Variants in MCC observed in about 807,000 individuals in gnomAD.
The protein encoded by MCC is colorectal mutant cancer protein.
A neutral mutation model predicts 116.2 loss-of-function variants in MCC; 90 were observed. The observed-to-expected ratio is 0.77, with a 90% CI of 0.65 to 0.92. The LOEUF is 0.92. Ranked by LOEUF, MCC falls within the 40% of genes least tolerant of loss-of-function variation. The pLI is 0.00. For synonymous variants in MCC, 578 were observed against 510.5 expected, an observed-to-expected ratio of 1.13 and a Z score of -1.78; for missense variants, 1,516 against 1,312.2, an observed-to-expected ratio of 1.16 and a Z score of -2.40.
chr5:113,332,114 A>AT (rs950721866), intron 3 of MCC, among the ~76,000 whole-genome samples: 5 of 151,668 alleles, frequency 3.3e-5, no homozygotes, highest in Non-Finnish European at 7.4e-5. Context: ...TTTCTTTAGA[A>AT]TTTTTTTAGT....
intron 1 of MCC, chr5:113,436,986 A>C (rs1770883198): frequency 6.6e-6 from 1 of 151,548 alleles, no homozygotes; most frequent in Admixed American, 6.6e-5. Context: ...AAATGTATAA[A>C]ACCAAGTTGC....
intron 14 of MCC, among the ~76,000 whole-genome samples, chr5:113,058,586 G>C (rs1403503977): frequency 2.6e-5 from 4 of 152,214 alleles, no homozygotes; most frequent in African/African-American, 9.6e-5. Context: ...TTTCTAGGTA[G>C]AGGCCACAAT....
intron 3 of MCC, among the ~76,000 whole-genome samples, chr5:113,152,709 A>T (rs1467746825): frequency 3.3e-5 from 5 of 152,190 alleles, no homozygotes; most frequent in African/African-American, 4.8e-5. Flanking sequence ...AGAAGCAGAT[A>T]TAAGGCAGAG....
intron 1 of MCC, among the ~76,000 whole-genome samples, chr5:113,458,028 C>T (rs1342032244): frequency 2.6e-5 from 4 of 152,096 alleles, no homozygotes; most frequent in Admixed American, 6.5e-5. Flanking sequence ...GGATTGTAAA[C>T]GCACCAATCA....
chr5:113,131,551 A>G (rs1758428164), intron 5 of MCC, among the ~76,000 whole-genome samples: 1 of 152,178 alleles, frequency 6.6e-6, no homozygotes, highest in Non-Finnish European at 1.5e-5. Context: ...GCATGTTTCA[A>G]GTAGAAAGGA....
intron 3 of MCC, among the ~76,000 whole-genome samples, chr5:113,233,876 C>T (rs1015677914): frequency 2.6e-5 from 4 of 152,180 alleles, no homozygotes; most frequent in Admixed American, 1.3e-4. Context: ...CAACTCTGTT[C>T]ATCTGATCAT....
intron 8 of MCC, among the ~76,000 whole-genome samples, chr5:113,090,949 G>A (rs1755582269): frequency 6.6e-6 from 1 of 152,234 alleles, no homozygotes; most frequent in African/African-American, 2.4e-5. Context: ...AGGAGGTGGT[G>A]CCACCGCAAG....
Position 113,068,102 on chromosome 5 carries a change from C to T in MCC, c.2007G>A (p.Ala669=), listed in dbSNP as rs140691479. The change falls in exon 13 of 19, where the codon GCG becomes GCA. Residue 669 remains alanine (A), a synonymous_variant. Coordinates refer to ENST00000408903, the MANE Select transcript of MCC (RefSeq NM_001085377.2). ...TACCAGGGGAGGACCCCACGCCCGC[C>T]GCTCGGAACTGCCCCAGGATGAGGC... ...EQSLILGQFR[A]AGVGSSPGDQ... is the part of the protein sequence containing the mutation. The T allele has an allele frequency of 1.6e-3, 2,602 of 1,614,154 alleles. 2 individuals carry two copies. Among genetic ancestry groups the T allele is most frequent in the Non-Finnish European group, 2.0e-3 (2,379 of 1,180,022 alleles).
intron 3 of MCC, among the ~76,000 whole-genome samples, chr5:113,163,793 A>T (rs1487935534): frequency 6.6e-6 from 1 of 152,218 alleles, no homozygotes; most frequent in East Asian, 1.9e-4. Context: ...ACATTTCTGT[A>T]AGTGTAACTA....
intron 1 of MCC, among the ~76,000 whole-genome samples, chr5:113,481,109 G>T (rs1319971776): frequency 6.6e-6 from 1 of 152,058 alleles, no homozygotes; most frequent in Non-Finnish European, 1.5e-5. Context: ...AGAAGTTTTA[G>T]AATTATTTTA....
At chr5:113,260,028 C>A (rs1381728664) in intron 3 of MCC, among the ~76,000 whole-genome samples, 3 of 152,034 alleles carry the variant, frequency 2.0e-5, no homozygotes, top group African/African-American at 7.2e-5. Flanking sequence ...TATTACCTTT[C>A]CATGTGGCCT....
chr5:113,172,303 T>C (rs1761113368), intron 3 of MCC, among the ~76,000 whole-genome samples: 4 of 152,198 alleles, frequency 2.6e-5, no homozygotes, highest in Admixed American at 2.6e-4. Context: ...TCTCACCTCT[T>C]TAAGGTTATT....
In MCC at chr5:113,340,551, C is replaced by T. The variant is rs1200581685; in HGVS notation, c.595G>A (p.Val199Ile). Reference sequence around the variant, plus strand: ...GCCAGCTCTAGATAGCTTCCTCCTACAGAGTTGCCAATGTGCGGGGACTGT... The same window carrying T: ...GCCAGCTCTAGATAGCTTCCTCCTATAGAGTTGCCAATGTGCGGGGACTGT... ...LTQSPHIGNS[V>I]GGSYLELANT... Residue 199 changes from valine (V) to isoleucine (I), a missense_variant, in exon 3 of 19, where the codon GTA becomes ATA. By Grantham distance (29) the Val-to-Ile change is conservative. Coordinates refer to ENST00000408903, the MANE Select transcript of MCC (RefSeq NM_001085377.2). 3.7e-6 allele frequency: 6 copies of T among 1,614,014 alleles called. No homozygotes were observed. In the Admixed American group the frequency reaches 1.0e-4, roughly 27 times the overall value.
At position 113,394,261 on chromosome 5, in the gene MCC, C is replaced by G. The variant is rs970291685; in HGVS notation, c.171-9049G>C. On this transcript the variant is annotated intron_variant, in intron 1 of 18. Coordinates refer to ENST00000408903, the MANE Select transcript of MCC (RefSeq NM_001085377.2). Reference sequence around the variant, plus strand: ...ACTGGAGCTTTTATTGTCTAAATAGCTCTCACATCCATTCCGTCCTGATCA... The same window carrying G: ...ACTGGAGCTTTTATTGTCTAAATAGGTCTCACATCCATTCCGTCCTGATCA... 2.6e-5 allele frequency among the ~76,000 whole-genome samples: 4 copies of G among 152,208 alleles called. No homozygotes were observed. In the South Asian group the frequency reaches 8.3e-4, roughly 32 times the overall value.
At chr5:113,228,821 C>T (rs1763840199) in intron 3 of MCC, among the ~76,000 whole-genome samples, 1 of 152,164 alleles carries the variant, frequency 6.6e-6, no homozygotes, top group Non-Finnish European at 1.5e-5. Context: ...ACAGGTGACA[C>T]ACACGCTCAT....
At chr5:113,203,226 T>A (rs1762760689) in intron 3 of MCC, 1 of 152,304 alleles carries the variant, frequency 6.6e-6, no homozygotes, top group African/African-American at 2.4e-5. Flanking sequence ...TTGCCCCGCT[T>A]GTGCTCCTAC....
At chr5:113,240,917 T>C (rs191710058) in intron 3 of MCC, among the ~76,000 whole-genome samples, 1 of 152,286 alleles carries the variant, frequency 6.6e-6, no homozygotes, top group Non-Finnish European at 1.5e-5. Context: ...ACTCAGAGCA[T>C]CACGGAGTCA....
At chr5:113,203,723 T>C (rs1175345062) in intron 3 of MCC, among the ~76,000 whole-genome samples, 1 of 152,126 alleles carries the variant, frequency 6.6e-6, no homozygotes, top group Non-Finnish European at 1.5e-5. Flanking sequence ...CATGCAGTAA[T>C]CAAAATATTA....
intron 6 of MCC, among the ~76,000 whole-genome samples, chr5:113,111,602 T>C (rs1350936437): frequency 1.3e-5 from 2 of 152,242 alleles, no homozygotes; most frequent in East Asian, 3.8e-4. Flanking sequence ...ATATTAGAAG[T>C]GCTTTGGGTC....
Sources: gnomAD v4.1 joint callset for allele counts (sites outside exome capture counted in the v4.1 genomes callset) on GRCh38, gnomAD v4.1.1 for gene constraint, MANE v1.5 for transcripts, NCBI Gene and HGNC (gene_info 2026-07-23, HGNC 2026-07-21) for gene names.